The following HIP1 variants were observed in gnomAD, a reference collection of about 807,000 sequenced individuals.
HIP1 encodes the protein huntingtin interacting protein 1.
A neutral mutation model predicts 147.6 loss-of-function variants in HIP1; 65 were observed. That is an observed-to-expected ratio of 0.44 (90% CI 0.36 to 0.54). The LOEUF (loss-of-function observed/expected upper bound fraction) is 0.54. HIP1 is among the 20% of genes least tolerant of loss of function. The pLI is 0.00. For missense variants in HIP1, 1,061 were observed against 1,299.6 expected (o/e 0.82, Z 2.82); for synonymous variants, 479 against 504.0 (o/e 0.95, Z 0.67).
intron 22 of HIP1, among the ~76,000 whole-genome samples, chr7:75,551,384 T>C (rs1281850488): frequency 6.6e-6 from 1 of 151,070 alleles, no homozygotes; most frequent in Non-Finnish European, 1.5e-5. Context: ...ACTGGCTAAT[T>C]TTGTATTTTT....
chr7:75,666,738 G>C (rs558448948), intron 1 of HIP1, among the ~76,000 whole-genome samples: 1 of 152,112 alleles, frequency 6.6e-6, no homozygotes, highest in African/African-American at 2.4e-5. Context: ...TTTCAGACAC[G>C]GAACAGTTCC....
At chr7:75,694,657 C>A (rs1379298088) in intron 1 of HIP1, among the ~76,000 whole-genome samples, 1 of 147,740 alleles carries the variant, frequency 6.8e-6, no homozygotes, top group Non-Finnish European at 1.5e-5. Flanking sequence ...ACTACAGGCA[C>A]CACCACCACA....
In HIP1 at chr7:75,533,863, C is replaced by T. The variant is rs369103365; in HGVS notation, c.*4309G>A. ...TTGCTGCGCCGATGGCTGGCAGGTC[C>T]GTGGTGGTGGTTTTCTATGCTACAG... On this transcript the variant is annotated 3_prime_UTR_variant, in exon 31 of 31. Transcript: ENST00000336926. 8.1e-4 allele frequency: 190 copies of T among 235,016 alleles called. No homozygotes were observed. The highest frequency in any genetic ancestry group is 1.3e-3 in the Non-Finnish European group (153 of 119,208). 14.6% of individuals were successfully genotyped at this position (235,016 alleles called of 1,614,324 possible).
At chr7:75,639,212 G>A (rs1284760765) in intron 1 of HIP1, 1 of 982,286 alleles carries the variant, frequency 1.0e-6, no homozygotes, top group Non-Finnish European at 1.2e-6. Flanking sequence ...GGCGGCGGCG[G>A]CGGCGGCACC....
At chr7:75,723,947 T>TAGAG (rs543997881) in intron 1 of HIP1, among the ~76,000 whole-genome samples, 6 of 133,668 alleles carry the variant, frequency 4.5e-5, no homozygotes, top group Non-Finnish European at 9.6e-5. Context: ...TTTATATATA[T>TAGAG]ATAGAGAGAG....
At chr7:75,649,064 A>G (rs1389734011) in intron 1 of HIP1, among the ~76,000 whole-genome samples, 3 of 151,392 alleles carry the variant, frequency 2.0e-5, no homozygotes, top group Non-Finnish European at 4.4e-5. Context: ...TGCTCTTGTT[A>G]CCCAGGCTGG....
chr7:75,594,900 A>C (rs1408366699), intron 2 of HIP1, among the ~76,000 whole-genome samples: 2 of 152,212 alleles, frequency 1.3e-5, no homozygotes, highest in Non-Finnish European at 2.9e-5. Flanking sequence ...TGCTTCAACA[A>C]GATTCACAGA....
chr7:75,624,163 G>A (rs1797949968), intron 1 of HIP1, among the ~76,000 whole-genome samples: 1 of 152,208 alleles, frequency 6.6e-6, no homozygotes, highest in Non-Finnish European at 1.5e-5. Flanking sequence ...GAGCGGTGAG[G>A]CTGTGGTTAC....
In HIP1 at chr7:75,738,901, G is replaced by C. The variant is rs1554523984; in HGVS notation, c.20C>G (p.Ser7Cys). The C allele has an allele frequency of 6.4e-7, 1 of 1,558,062 alleles. No homozygotes were observed. Residue 7 changes from serine to cysteine, a missense_variant, in exon 1 of 31, where the codon TCC (serine) becomes TGC (cysteine). Physicochemically the swap from Ser to Cys is moderately radical, Grantham distance 112. Coordinates refer to ENST00000336926, the MANE Select transcript of HIP1 (RefSeq NM_005338.7). MDRMAS[S>C]MKQVPNPLPK... ...CAGTGGGTTGGGCACCTGCTTCATG[G>C]AGCTGGCCATCCGATCCATGTCGCC...
intron 1 of HIP1, among the ~76,000 whole-genome samples, chr7:75,610,189 C>T (rs1797380586): frequency 1.3e-5 from 2 of 149,776 alleles, no homozygotes; most frequent in Admixed American, 1.3e-4. Flanking sequence ...AGGCATGAGC[C>T]ACCTCATCCA....
chr7:75,570,027 C>T (rs1013286018), intron 8 of HIP1, among the ~76,000 whole-genome samples: 1 of 151,734 alleles, frequency 6.6e-6, no homozygotes, highest in Non-Finnish European at 1.5e-5. Context: ...CTCCGCCTCC[C>T]GGGTTCAAGC....
intron 1 of HIP1, among the ~76,000 whole-genome samples, chr7:75,703,190 A>G (rs1425296980): frequency 6.6e-6 from 1 of 152,136 alleles, no homozygotes; most frequent in Non-Finnish European, 1.5e-5. Context: ...TCTACTAAAA[A>G]TAGAAAAATT....
chr7:75,705,491 C>T (rs1554519610), intron 1 of HIP1, among the ~76,000 whole-genome samples: 2 of 152,030 alleles, frequency 1.3e-5, no homozygotes, highest in Non-Finnish European at 2.9e-5. Flanking sequence ...CCTCAGCCTC[C>T]TGAGTAGCTG....
chr7:75,665,991 A>G (rs1426025503), intron 1 of HIP1, among the ~76,000 whole-genome samples: 1 of 152,162 alleles, frequency 6.6e-6, no homozygotes, highest in Non-Finnish European at 1.5e-5. Flanking sequence ...ACAATATCCA[A>G]GATCTATGTT....
In HIP1 at chr7:75,560,851, T is replaced by A. The variant is rs587751340; in HGVS notation, c.1191+478A>T. On this transcript the variant is annotated intron_variant, in intron 13 of 30. Transcript: ENST00000336926. ...CTTGAGTGATCCTCCTACCTCAGCCTCCTGAGTAGCTGGGATCACAGGTGC... is the reference window on the plus strand; with the variant it reads ...CTTGAGTGATCCTCCTACCTCAGCCACCTGAGTAGCTGGGATCACAGGTGC... Among the ~76,000 whole-genome samples the A allele has an allele frequency of 2.7e-4, 41 of 152,092 alleles. 1 individual carries two copies. The South Asian group carries it at 8.5e-3, about 32-fold the overall frequency.
rs371934203 is a variant in HIP1 at position 75,542,826 on chromosome 7, A to G, written c.2890+25T>C. On this transcript the variant is annotated intron_variant, in intron 28 of 30. Transcript: ENST00000336926. ...AGAAGAGCTCAACAGGGTGGGTAAGAAAAGGGTCCCTTTGGAAAGGCTACC... is the reference window on the plus strand; with the variant it reads ...AGAAGAGCTCAACAGGGTGGGTAAGGAAAGGGTCCCTTTGGAAAGGCTACC... 3.3e-5 allele frequency: 53 copies of G among 1,612,758 alleles called. 1 individual carries two copies. The highest frequency in any genetic ancestry group is 3.7e-5 in the Non-Finnish European group (44 of 1,179,208).
rs911491229 is a variant in HIP1 at position 75,545,804 on chromosome 7, C to T, written c.2560-616G>A. ...ACTAAAAATACAAAAATTAGCTGGG[C>T]GTGGTGTGTGCCTGGAATCCCAGCT... On this transcript the variant is annotated intron_variant, in intron 25 of 30. Transcript: ENST00000336926. Among the ~76,000 whole-genome samples the T allele has an allele frequency of 5.6e-5, 8 of 142,234 alleles. No homozygotes were observed. The East Asian group carries it at 6.4e-4, about 11-fold the overall frequency. The allele number at this position is 142,234 out of a possible 152,430, so 93.3% of individuals were successfully genotyped here.
At chr7:75,571,275 A>C (rs1001744141) in intron 8 of HIP1, among the ~76,000 whole-genome samples, 8 of 152,218 alleles carry the variant, frequency 5.3e-5, no homozygotes, top group African/African-American at 1.9e-4. Context: ...ACTGAGCAAC[A>C]GAATACTTGG....
chr7:75,545,712 A>G (rs1190330030), intron 25 of HIP1, among the ~76,000 whole-genome samples: 1 of 152,074 alleles, frequency 6.6e-6, no homozygotes, highest in African/African-American at 2.4e-5. Context: ...TTGCGAGGCC[A>G]AGGCGGGCAG....
Sources: allele counts gnomAD v4.1 joint callset (sites outside exome capture counted in the v4.1 genomes callset), GRCh38; gene constraint gnomAD v4.1.1; transcripts MANE v1.5; gene names NCBI Gene and HGNC (gene_info 2026-07-23, HGNC 2026-07-21).